ESR1: variants seen among roughly 807,000 people sequenced by gnomAD.
ESR1 encodes the protein estrogen receptor 1.
Under a neutral mutation model 52.7 loss-of-function variants are expected in ESR1, and 12 were observed. The observed-to-expected ratio is 0.23, with a 90% CI of 0.15 to 0.37. ESR1 has a LOEUF of 0.37. Among genes scored for constraint, ESR1 ranks in the 10% least tolerant of loss-of-function variants. The pLI, the probability that ESR1 is intolerant of heterozygous loss-of-function variation, is 1.00. For synonymous variants in ESR1, 305 were observed against 316.8 expected (o/e 0.96, Z 0.39); for missense variants, 584 against 779.7 (o/e 0.75, Z 2.99).
chr6:151,938,993 T>C (rs1052894146), intron 3 of ESR1, among the ~76,000 whole-genome samples: 1 of 152,148 alleles, frequency 6.6e-6, no homozygotes, highest in African/African-American at 2.4e-5. Context: ...TCAAAGAAAT[T>C]TGCTTTGATG....
chr6:151,960,281 G>A (rs1336480225), intron 4 of ESR1, among the ~76,000 whole-genome samples: 1 of 152,174 alleles, frequency 6.6e-6, no homozygotes, highest in East Asian at 1.9e-4. Context: ...TCTAGTGGGG[G>A]AGACAGAAAG....
intron 4 of ESR1, among the ~76,000 whole-genome samples, chr6:151,970,968 A>G (rs760278537): frequency 1.3e-5 from 2 of 152,104 alleles, no homozygotes; most frequent in Non-Finnish European, 2.9e-5. Context: ...ACTCTGTTAT[A>G]TTTCACCCAT....
At chr6:152,081,587 A>C (rs2049219572) in intron 6 of ESR1, among the ~76,000 whole-genome samples, 1 of 151,396 alleles carries the variant, frequency 6.6e-6, no homozygotes, top group African/African-American at 2.4e-5. Context: ...AGAGCAAACA[A>C]ATTCAAAAGC....
chr6:151,911,347 TAAC>T (rs1244401834), intron 3 of ESR1, among the ~76,000 whole-genome samples: 29 of 152,358 alleles, frequency 1.9e-4, no homozygotes, highest in Non-Finnish European at 2.9e-5. Context: ...GATATTTTGA[TAAC>T]ATAATAATAG....
intron 2 of ESR1, among the ~76,000 whole-genome samples, chr6:151,850,668 C>G (rs1283192879): frequency 6.6e-6 from 1 of 152,140 alleles, no homozygotes; most frequent in African/African-American, 2.4e-5. Context: ...ACCAGCCCCT[C>G]CTTCTGCCTG....
At chr6:152,105,683 C>T (rs946412254), downstream of ESR1, among the ~76,000 whole-genome samples, 1 of 152,034 alleles carries the variant, frequency 6.6e-6, no homozygotes, top group Non-Finnish European at 1.5e-5. Flanking sequence ...GCCTCAGCCT[C>T]CCAAATTGCT....
In ESR1 at chr6:151,882,494, T is replaced by A. The variant is rs187952833; in HGVS notation, c.760+1723T>A. 1.9e-3 allele frequency among the ~76,000 whole-genome samples: 296 copies of A among 152,328 alleles called. 1 individual carries two copies. Among genetic ancestry groups the A allele is most frequent in the African/African-American group, 6.7e-3 (278 of 41,574 alleles). On this transcript the variant is annotated intron_variant, in intron 3 of 7. Transcript: ENST00000206249. ...CATCTTTCTTTGTACTGTTGGAGAA[T>A]TAGTCAGGCTTAATTAAACTTACAA...
At chr6:151,850,045 T>TTTATATATATATATAAAA (rs1786162073) in intron 2 of ESR1, among the ~76,000 whole-genome samples, 2 of 22,626 alleles carry the variant, frequency 8.8e-5, no homozygotes, top group South Asian at 2.2e-3. Flanking sequence ...TATATATAAT[T>TTTATATATATATATAAAA]TTATATATAT....
chr6:151,818,991 C>T (rs1780123248), intron 1 of ESR1, among the ~76,000 whole-genome samples: 1 of 152,126 alleles, frequency 6.6e-6, no homozygotes, highest in Non-Finnish European at 1.5e-5. Flanking sequence ...CAATCAGTCT[C>T]CTAACTATTA....
intron 2 of ESR1, among the ~76,000 whole-genome samples, chr6:151,726,134 A>G (rs1781820455): frequency 6.6e-6 from 1 of 152,194 alleles, no homozygotes; most frequent in African/African-American, 2.4e-5. Context: ...AGTTGTAAGA[A>G]GCCGAAACCA....
chr6:151,912,433 A>G (rs375705673), intron 3 of ESR1, among the ~76,000 whole-genome samples: 1 of 152,176 alleles, frequency 6.6e-6, no homozygotes, highest in Non-Finnish European at 1.5e-5. Flanking sequence ...GGACCATTTA[A>G]AAACAATTTG....
At chr6:151,849,991 T>TAATTTTATATATATATAAA (rs1443104827) in intron 2 of ESR1, among the ~76,000 whole-genome samples, 2 of 111,792 alleles carry the variant, frequency 1.8e-5, no homozygotes, top group African/African-American at 6.7e-5. Context: ...TATATATATA[T>TAATTTTATATATATATAAA]ATATATATAT....
chr6:151,960,856 G>A (rs1470237698), intron 4 of ESR1, among the ~76,000 whole-genome samples: 2 of 152,202 alleles, frequency 1.3e-5, no homozygotes, highest in African/African-American at 4.8e-5. Context: ...TGGAGACATG[G>A]TGAGGAGTGA....
At chr6:151,967,536 A>G (rs540289332) in intron 4 of ESR1, among the ~76,000 whole-genome samples, 2 of 152,320 alleles carry the variant, frequency 1.3e-5, no homozygotes, top group South Asian at 2.1e-4. Flanking sequence ...ATAGCTGCAT[A>G]GTATTCCATT....
intron 7 of ESR1, among the ~76,000 whole-genome samples, chr6:152,096,272 C>T (rs2050602321): frequency 6.6e-6 from 1 of 152,112 alleles, no homozygotes; most frequent in Non-Finnish European, 1.5e-5. Flanking sequence ...GAAAGAGATT[C>T]CTTCTCTTAG....
At chr6:151,941,343 C>T (rs977427386) in intron 3 of ESR1, among the ~76,000 whole-genome samples, 9 of 152,088 alleles carry the variant, frequency 5.9e-5, no homozygotes, top group African/African-American at 1.2e-4. Context: ...GTGTATAAAT[C>T]GTATTTGGGT....
intron 3 of ESR1, among the ~76,000 whole-genome samples, chr6:151,916,649 A>T (rs943973152): frequency 6.6e-6 from 1 of 152,134 alleles, no homozygotes; most frequent in African/African-American, 2.4e-5. Flanking sequence ...CATAATTCTT[A>T]ATTTTATCAT....
intron 2 of ESR1, among the ~76,000 whole-genome samples, chr6:151,766,530 GC>G (rs1785067816): frequency 6.6e-6 from 1 of 151,826 alleles, no homozygotes; most frequent in Non-Finnish European, 1.5e-5. Flanking sequence ...AAAATCACAC[GC>G]CTCTTTTTTT....
At chr6:151,968,246 C>T (rs183371742) in intron 4 of ESR1, among the ~76,000 whole-genome samples, 1 of 152,140 alleles carries the variant, frequency 6.6e-6, no homozygotes, top group Non-Finnish European at 1.5e-5. Context: ...GGACCCCTTC[C>T]TTACACCTTA....
Sources: gnomAD v4.1 joint callset for allele counts (sites outside exome capture counted in the v4.1 genomes callset) on GRCh38, gnomAD v4.1.1 for gene constraint, MANE v1.5 for transcripts, NCBI Gene and HGNC (gene_info 2026-07-23, HGNC 2026-07-21) for gene names.